The following SDK1 variants were observed in gnomAD, a reference collection of about 807,000 sequenced individuals.
SDK1 encodes the protein protein sidekick-1.
In SDK1, 157 loss-of-function variants were observed where a neutral mutation model predicts 245.5. That is an observed-to-expected ratio of 0.64 (90% CI 0.56 to 0.73). The LOEUF (loss-of-function observed/expected upper bound fraction) is 0.73. SDK1 is among the 30% of genes least tolerant of loss of function. The pLI is 0.00. For missense variants in SDK1, 3,583 were observed against 3,002.3 expected (o/e 1.19, Z -4.52); for synonymous variants, 1,647 against 1,278.5 (o/e 1.29, Z -6.15).
intron 4 of SDK1, among the ~76,000 whole-genome samples, chr7:3,727,060 T>C (rs1267577820): frequency 6.6e-6 from 1 of 152,192 alleles, no homozygotes; most frequent in African/African-American, 2.4e-5. Flanking sequence ...ATTGCAGTCT[T>C]TATAGGCATG....
At chr7:3,737,674 C>T (rs370440109) in intron 4 of SDK1, among the ~76,000 whole-genome samples, 2 of 152,176 alleles carry the variant, frequency 1.3e-5, no homozygotes, top group East Asian at 1.9e-4. Flanking sequence ...TGCTTTGAGC[C>T]CCATCCTTCT....
At chr7:3,345,340 A>G (rs1780464328) in intron 1 of SDK1, among the ~76,000 whole-genome samples, 1 of 152,214 alleles carries the variant, frequency 6.6e-6, no homozygotes, top group South Asian at 2.1e-4. Context: ...GTTAGGAAAC[A>G]AAAAGAGACT....
intron 19 of SDK1, among the ~76,000 whole-genome samples, chr7:4,059,089 A>G (rs1197148938): frequency 6.6e-6 from 1 of 152,226 alleles, no homozygotes; most frequent in Non-Finnish European, 1.5e-5. Context: ...ACATATCAAT[A>G]GTAACCTTGA....
chr7:3,405,894 C>CTGCA (rs1779042342), intron 1 of SDK1, among the ~76,000 whole-genome samples: 1 of 148,752 alleles, frequency 6.7e-6, no homozygotes, highest in Non-Finnish European at 1.5e-5. Flanking sequence ...CTCACTGCAA[C>CTGCA]CTCTGCCTCC....
intron 5 of SDK1, among the ~76,000 whole-genome samples, chr7:3,950,240 A>G (rs1005586475): frequency 3.9e-5 from 6 of 152,192 alleles, no homozygotes; most frequent in African/African-American, 1.4e-4. Context: ...GTGGTCTGAG[A>G]AAGGCCAGGG....
At chr7:3,447,424 ACACT>A (rs1190500274) in intron 1 of SDK1, among the ~76,000 whole-genome samples, 4 of 152,104 alleles carry the variant, frequency 2.6e-5, no homozygotes, top group Non-Finnish European at 5.9e-5. Flanking sequence ...GTACACACAC[ACACT>A]CACTTACTCT....
chr7:4,224,306 T>C (rs912555556), intron 40 of SDK1, among the ~76,000 whole-genome samples: 3 of 152,208 alleles, frequency 2.0e-5, no homozygotes, highest in Non-Finnish European at 2.9e-5. Flanking sequence ...CAGGAAATCA[T>C]GGGGAGACCC....
chr7:3,727,108 A>G (rs1779034499), intron 4 of SDK1, among the ~76,000 whole-genome samples: 3 of 152,246 alleles, frequency 2.0e-5, no homozygotes, highest in Admixed American at 2.0e-4. Flanking sequence ...GCTGTGAGGA[A>G]GGAAACAATG....
chr7:4,110,968 TG>T (rs1243247824), intron 23 of SDK1, among the ~76,000 whole-genome samples, 196 bp downstream of exon 23: 1 of 152,128 alleles, frequency 6.6e-6, no homozygotes, highest in African/African-American at 2.4e-5. Context: ...GATAGGCAGA[TG>T]TTAGACTCAT....
At chr7:3,305,090 A>G (rs1374512500) in intron 1 of SDK1, among the ~76,000 whole-genome samples, 1 of 152,120 alleles carries the variant, frequency 6.6e-6, no homozygotes, top group Non-Finnish European at 1.5e-5. Context: ...GCCTGTGTTC[A>G]CTTACACCTG....
At chr7:3,584,685 G>C (rs561991759) in intron 1 of SDK1, among the ~76,000 whole-genome samples, 10 of 152,026 alleles carry the variant, frequency 6.6e-5, no homozygotes, top group Admixed American at 2.0e-4. Flanking sequence ...GTGTGTTTTT[G>C]GGTCTGTGCC....
intron 34 of SDK1, among the ~76,000 whole-genome samples, chr7:4,177,212 T>A (rs559423336): frequency 4.3e-4 from 65 of 152,158 alleles, no homozygotes; most frequent in Non-Finnish European, 8.4e-4. Flanking sequence ...CACGGAAGCT[T>A]TGCTGGGCTG....
chr7:3,445,885 T>C (rs1170434501), intron 1 of SDK1, among the ~76,000 whole-genome samples: 1 of 152,160 alleles, frequency 6.6e-6, no homozygotes, highest in Non-Finnish European at 1.5e-5. Context: ...TCTAATATTC[T>C]CTTATCACTT....
intron 4 of SDK1, among the ~76,000 whole-genome samples, chr7:3,657,598 C>CA (rs913302988): frequency 4.7e-5 from 6 of 126,692 alleles, no homozygotes; most frequent in African/African-American, 2.1e-4. Context: ...TTAGGGGACT[C>CA]GGGTTTTTTT....
chr7:4,152,136 A>T (rs1780424623), intron 30 of SDK1, among the ~76,000 whole-genome samples: 1 of 152,214 alleles, frequency 6.6e-6, no homozygotes, highest in Non-Finnish European at 1.5e-5. Context: ...TGTGAGTCCA[A>T]GGTTTGCCTC....
chr7:4,062,214 T>G (rs1415199515), intron 19 of SDK1, among the ~76,000 whole-genome samples: 4 of 152,120 alleles, frequency 2.6e-5, no homozygotes, highest in Middle Eastern at 3.4e-3. Context: ...AACTGCTAGC[T>G]AGACTTAAGA....
intron 17 of SDK1, among the ~76,000 whole-genome samples, chr7:4,042,398 C>T (rs867519492): frequency 2.9e-5 from 4 of 136,702 alleles, no homozygotes; most frequent in Admixed American, 6.9e-5. Flanking sequence ...CCCTGAGTGT[C>T]GGGGGCTTCA....
chr7:3,829,365 A>G (rs1779858464), intron 5 of SDK1, among the ~76,000 whole-genome samples: 3 of 152,118 alleles, frequency 2.0e-5, no homozygotes, highest in African/African-American at 4.8e-5. Context: ...CAGAGAGGAG[A>G]AGGCCCTAAC....
At chr7:3,900,201 A>T (rs1033828266) in intron 5 of SDK1, among the ~76,000 whole-genome samples, 1 of 152,210 alleles carries the variant, frequency 6.6e-6, no homozygotes, top group Non-Finnish European at 1.5e-5. Context: ...TTTCATCCCC[A>T]TAATTCTCTG....
Sources: allele counts gnomAD v4.1 joint callset (sites outside exome capture counted in the v4.1 genomes callset), GRCh38; gene constraint gnomAD v4.1.1; transcripts MANE v1.5; gene names NCBI Gene and HGNC (gene_info 2026-07-23, HGNC 2026-07-21).